Variants in TEAD1 observed in about 807,000 individuals in gnomAD.
The protein encoded by TEAD1 is TEA domain transcription factor 1, also known as transcriptional enhancer factor TEF-1.
TEAD1 carries 9 observed loss-of-function variants against 54.9 expected under a neutral mutation model. The ratio of observed to expected loss-of-function variants is 0.16; its 90% CI spans 0.10 to 0.29. The LOEUF (loss-of-function observed/expected upper bound fraction) is 0.29, where lower values mean the gene tolerates loss of function less well. Among genes scored for constraint, TEAD1 ranks in the 10% least tolerant of loss-of-function variants. The probability of loss-of-function intolerance (pLI) is 1.00; values close to 1 mark genes in which losing one functional copy is unlikely to be tolerated. For synonymous variants in TEAD1, 200 were observed against 187.8 expected, an observed-to-expected ratio of 1.07 and a Z score of -0.53; for missense variants, 387 against 535.9, an observed-to-expected ratio of 0.72 and a Z score of 2.74.
Position 12,939,535 on chromosome 11 carries a change from CAAG to C in TEAD1, c.*2319_*2321del, listed in dbSNP as rs1949140790. The C allele has an allele frequency of 6.6e-6, 1 of 152,236 alleles. No homozygotes were observed. The highest frequency in any genetic ancestry group is 6.5e-5 in the Admixed American group (1 of 15,280). 9.4% of individuals were successfully genotyped at this position (152,236 alleles called of 1,614,324 possible). Reference sequence around the variant, plus strand: ...TCCAAAGCACAAAAATACTGGGACCCAAGAAGAACAGCTAGAGGACAACTCTGT... The same window carrying C: ...TCCAAAGCACAAAAATACTGGGACCCAAGAACAGCTAGAGGACAACTCTGT... On this transcript the variant is annotated 3_prime_UTR_variant, in exon 13 of 13. Coordinates refer to ENST00000527636, the MANE Select transcript of TEAD1 (RefSeq NM_021961.6).
intron 2 of TEAD1, among the ~76,000 whole-genome samples, chr11:12,698,022 C>CAAA (rs1409217799): frequency 1.6e-5 from 1 of 61,196 alleles, no homozygotes; most frequent in Non-Finnish European, 3.3e-5. Context: ...AACTCCGTCT[C>CAAA]AAAAAAAAAA....
chr11:12,889,613 G>C (rs1948156265), intron 9 of TEAD1, among the ~76,000 whole-genome samples: 1 of 152,218 alleles, frequency 6.6e-6, no homozygotes, highest in Admixed American at 6.5e-5. Context: ...TTTAGATTTT[G>C]AGGAAGCACT....
intron 3 of TEAD1, among the ~76,000 whole-genome samples, chr11:12,802,075 G>C (rs1946070322): frequency 6.6e-6 from 1 of 152,150 alleles, no homozygotes; most frequent in South Asian, 2.1e-4. Context: ...TTTCACACTT[G>C]AGTTTAAGTA....
intron 3 of TEAD1, among the ~76,000 whole-genome samples, chr11:12,805,398 A>G (rs1002263860): frequency 5.3e-5 from 8 of 152,348 alleles, no homozygotes; most frequent in African/African-American, 1.9e-4. Flanking sequence ...TCAGAATCAC[A>G]GCACAGGTTC....
chr11:12,705,481 T>C (rs1943794907), intron 2 of TEAD1, among the ~76,000 whole-genome samples: 1 of 152,156 alleles, frequency 6.6e-6, no homozygotes, highest in Admixed American at 6.5e-5. Context: ...GATAGGAGTG[T>C]GGGTGTGGCA....
intron 2 of TEAD1, among the ~76,000 whole-genome samples, chr11:12,692,701 A>G (rs1006199131): frequency 6.6e-6 from 1 of 152,108 alleles, no homozygotes; most frequent in Non-Finnish European, 1.5e-5. Context: ...CACAAAGGGA[A>G]TTTTCATTAT....
At chr11:12,892,601 G>A (rs559844672) in intron 9 of TEAD1, among the ~76,000 whole-genome samples, 1 of 152,222 alleles carries the variant, frequency 6.6e-6, no homozygotes, top group South Asian at 2.1e-4. Flanking sequence ...CTGAGATCGC[G>A]CCATTGCTCT....
At chr11:12,889,259 G>T (rs1948149832) in intron 9 of TEAD1, among the ~76,000 whole-genome samples, 1 of 152,218 alleles carries the variant, frequency 6.6e-6, no homozygotes, top group Non-Finnish European at 1.5e-5. Flanking sequence ...TCCAGTTTCT[G>T]GAGGCCAAGT....
chr11:12,753,859 T>C (rs1944929252), intron 2 of TEAD1, among the ~76,000 whole-genome samples: 1 of 152,238 alleles, frequency 6.6e-6, no homozygotes, highest in East Asian at 1.9e-4. Flanking sequence ...ATAAATTCTT[T>C]ACTGGTTTTT....
intron 3 of TEAD1, among the ~76,000 whole-genome samples, chr11:12,852,518 G>A (rs1224684644): frequency 2.6e-5 from 4 of 151,340 alleles, no homozygotes; most frequent in South Asian, 4.2e-4. Context: ...CGCGATCTTG[G>A]CTCACTGCAA....
rs1017196409 is a variant in TEAD1, at chr11:12,944,082, G to A, written c.*6860G>A. 3 of 152,464 alleles carry A rather than the reference G, an allele frequency of 2.0e-5. No individual in the cohort carries two copies. The highest frequency in any genetic ancestry group is 4.8e-5 in the African/African-American group (2 of 41,402). 9.4% of individuals were successfully genotyped at this position (152,464 alleles called of 1,614,324 possible). ...CTAAATGACTTAATGGGATTCTCAC[G>A]GTCTGTGTCTTTGTGTCACGTGTAT... On this transcript the variant is annotated 3_prime_UTR_variant, in exon 13 of 13. Transcript: ENST00000527636.
chr11:12,921,595 CA>C (rs1564991317), intron 10 of TEAD1, among the ~76,000 whole-genome samples: 2 of 150,162 alleles, frequency 1.3e-5, no homozygotes, highest in Non-Finnish European at 3.0e-5. Context: ...ATAATAATAA[CA>C]GCATTAATCC....
At chr11:12,735,484 CTG>C (rs1944512042) in intron 2 of TEAD1, among the ~76,000 whole-genome samples, 2 of 151,980 alleles carry the variant, frequency 1.3e-5, no homozygotes, top group African/African-American at 2.4e-5. Context: ...AACCAGACCT[CTG>C]TGTCATGCTC....
intron 3 of TEAD1, among the ~76,000 whole-genome samples, chr11:12,813,929 T>C (rs1398068622): frequency 6.6e-6 from 1 of 152,146 alleles, no homozygotes; most frequent in Non-Finnish European, 1.5e-5. Context: ...CAGCTCTCTC[T>C]TGGACATGGT....
chr11:12,905,865 A>G (rs1227512947), intron 10 of TEAD1, among the ~76,000 whole-genome samples: 1 of 152,200 alleles, frequency 6.6e-6, no homozygotes, highest in Non-Finnish European at 1.5e-5. Flanking sequence ...GGGCTCGGTC[A>G]GGCTAGACCA....
At chr11:12,826,026 A>G (rs762416433) in intron 3 of TEAD1, among the ~76,000 whole-genome samples, 1 of 152,226 alleles carries the variant, frequency 6.6e-6, no homozygotes, top group South Asian at 2.1e-4. Flanking sequence ...TTAACTCAAA[A>G]TGGATCCTAG....
intron 5 of TEAD1, among the ~76,000 whole-genome samples, chr11:12,868,437 G>A (rs541374580): frequency 6.6e-6 from 1 of 152,298 alleles, no homozygotes; most frequent in South Asian, 2.1e-4. Context: ...TAGTTTTGAA[G>A]TTCTGCCATG....
intron 2 of TEAD1, among the ~76,000 whole-genome samples, chr11:12,762,019 C>T (rs796803719): frequency 6.6e-5 from 10 of 152,148 alleles, no homozygotes; most frequent in African/African-American, 2.2e-4. Context: ...TTAAGGCAGT[C>T]GAAGGTCCCT....
chr11:12,875,154 C>G (rs1947829333), intron 5 of TEAD1, among the ~76,000 whole-genome samples: 1 of 152,184 alleles, frequency 6.6e-6, no homozygotes, highest in Non-Finnish European at 1.5e-5. Context: ...GTGAAGACAT[C>G]TTAAAATTAG....
Sources: allele counts gnomAD v4.1 joint callset (sites outside exome capture counted in the v4.1 genomes callset), GRCh38; gene constraint gnomAD v4.1.1; transcripts MANE v1.5; gene names NCBI Gene and HGNC (gene_info 2026-07-23, HGNC 2026-07-21).